MKLN1: variants seen among roughly 807,000 people sequenced by gnomAD.
MKLN1 encodes the protein muskelin 1.
MKLN1 carries 18 observed loss-of-function variants against 99.0 expected under a neutral mutation model. The observed-to-expected ratio is 0.18, with a 90% CI of 0.13 to 0.27. The LOEUF is 0.27. Among genes scored for constraint, MKLN1 ranks in the 10% least tolerant of loss-of-function variants. The pLI is 1.00. For missense variants in MKLN1, 621 were observed against 875.9 expected (o/e 0.71, Z 3.67); for synonymous variants, 288 against 293.2 (o/e 0.98, Z 0.18).
At chr7:131,156,082 G>A (rs1441518987) in intron 2 of MKLN1, among the ~76,000 whole-genome samples, 1 of 152,160 alleles carries the variant, frequency 6.6e-6, no homozygotes, top group Non-Finnish European at 1.5e-5. Flanking sequence ...GGGATTTGTA[G>A]CAATCAAAAT....
intron 2 of MKLN1, among the ~76,000 whole-genome samples, chr7:131,184,087 C>T (rs112399552): frequency 2.0e-5 from 3 of 151,822 alleles, no homozygotes; most frequent in Non-Finnish European, 4.4e-5. Flanking sequence ...TCAGAGAGAC[C>T]ATAGACTTCA....
chr7:131,457,828 A>C (rs992830742), intron 12 of MKLN1, among the ~76,000 whole-genome samples: 2 of 152,072 alleles, frequency 1.3e-5, no homozygotes, highest in African/African-American at 4.8e-5. Flanking sequence ...AGGTAGGAGA[A>C]TTGCTTAAAC....
At chr7:131,283,195 G>A (rs181806478) in intron 3 of MKLN1, among the ~76,000 whole-genome samples, 56 of 152,222 alleles carry the variant, frequency 3.7e-4, no homozygotes, top group African/African-American at 1.3e-3. Context: ...TTCCGCTGTC[G>A]ATGGCCATGA....
In MKLN1 at chr7:131,494,376, T is replaced by C. The variant is rs1797497538; in HGVS notation, c.*6648T>C. Reference sequence around the variant, plus strand: ...TCAGTTACAACAAAGGAGAGGATCCTACACCATTAGAGCCATGCCATCAGG... The same window carrying C: ...TCAGTTACAACAAAGGAGAGGATCCCACACCATTAGAGCCATGCCATCAGG... On this transcript the variant is annotated 3_prime_UTR_variant, in exon 18 of 18. Coordinates refer to ENST00000352689, the MANE Select transcript of MKLN1 (RefSeq NM_013255.5). 6.6e-6 allele frequency: 1 copy of C among 152,230 alleles called. No individual in the cohort carries two copies. Among genetic ancestry groups the C allele is most frequent in the Non-Finnish European group, 1.5e-5 (1 of 68,036 alleles). 9.4% of individuals were successfully genotyped at this position (152,230 alleles called of 1,614,324 possible). A position where few individuals can be genotyped will look rare whatever the true frequency, so the allele number is the denominator to read the frequency against.
chr7:131,264,143 C>A (rs1344027964), intron 3 of MKLN1, among the ~76,000 whole-genome samples: 1 of 152,042 alleles, frequency 6.6e-6, no homozygotes, highest in Non-Finnish European at 1.5e-5. Context: ...TGGTAGTGAG[C>A]CAGAATTTAG....
chr7:131,115,898 A>T (rs893455761), intron 1 of MKLN1, among the ~76,000 whole-genome samples: 20 of 151,966 alleles, frequency 1.3e-4, no homozygotes, highest in African/African-American at 4.8e-4. Context: ...TCCTAGATAT[A>T]TTTTTTTCAT....
chr7:131,303,229 G>A (rs1388482997), intron 3 of MKLN1, among the ~76,000 whole-genome samples: 1 of 152,202 alleles, frequency 6.6e-6, no homozygotes. Flanking sequence ...TTCTTGGTTT[G>A]GATGCCAATA....
chr7:131,369,907 G>A (rs1455419405), intron 1 of MKLN1, among the ~76,000 whole-genome samples: 2 of 152,084 alleles, frequency 1.3e-5, no homozygotes, highest in African/African-American at 4.8e-5. Context: ...TGTGATCTCG[G>A]CTCACTGCAA....
rs575823035 is a variant in MKLN1 at position 131,219,988 on chromosome 7, G to A, written c.-179+17014G>A. 1.7e-4 allele frequency among the ~76,000 whole-genome samples: 26 copies of A among 152,178 alleles called. No homozygotes were observed. In the South Asian group the frequency reaches 2.1e-3, roughly 12 times the overall value. ...CCACAATATGGCGCACTGACATGCCGCACTGAGGAATCCTCAAGGTCTCTC... is the reference window on the plus strand; with the variant it reads ...CCACAATATGGCGCACTGACATGCCACACTGAGGAATCCTCAAGGTCTCTC... On this transcript the variant is annotated intron_variant, in intron 3 of 7. Transcript: ENST00000416992.
At chr7:131,253,571 A>C (rs992573881) in intron 3 of MKLN1, among the ~76,000 whole-genome samples, 1 of 152,154 alleles carries the variant, frequency 6.6e-6, no homozygotes, top group African/African-American at 2.4e-5. Context: ...CAAGTCAAGA[A>C]GACCAGAGAC....
chr7:131,276,343 A>G (rs1266047019), intron 3 of MKLN1, among the ~76,000 whole-genome samples: 2 of 152,114 alleles, frequency 1.3e-5, no homozygotes, highest in Non-Finnish European at 2.9e-5. Flanking sequence ...ATCCAGAAAG[A>G]AAAGTCTAGT....
intron 2 of MKLN1, among the ~76,000 whole-genome samples, chr7:131,384,450 C>T (rs955307154): frequency 6.6e-5 from 10 of 151,588 alleles, no homozygotes; most frequent in African/African-American, 1.9e-4. Flanking sequence ...CTGTCACAAG[C>T]CAGAAAAAAA....
chr7:131,235,132 T>C (rs1797300034), intron 3 of MKLN1, among the ~76,000 whole-genome samples: 1 of 152,136 alleles, frequency 6.6e-6, no homozygotes, highest in African/African-American at 2.4e-5. Context: ...CTGGGATCAG[T>C]TGATACAAAA....
chr7:131,477,051 T>G (rs1217798089), intron 16 of MKLN1, among the ~76,000 whole-genome samples: 1 of 152,022 alleles, frequency 6.6e-6, no homozygotes, highest in Non-Finnish European at 1.5e-5. Context: ...TACTGAAACA[T>G]TAATTTAAGA....
intron 6 of MKLN1, among the ~76,000 whole-genome samples, chr7:131,410,514 A>G (rs192288525): frequency 2.8e-4 from 43 of 152,254 alleles, no homozygotes; most frequent in Admixed American, 8.5e-4. Flanking sequence ...TGGAATTCAC[A>G]TGTTAAAGTT....
chr7:131,139,404 G>A (rs575311012), intron 1 of MKLN1, among the ~76,000 whole-genome samples: 17 of 150,208 alleles, frequency 1.1e-4, no homozygotes, highest in South Asian at 4.2e-4. Flanking sequence ...ACTCACCTTC[G>A]CTCCCCAGGG....
At chr7:131,125,203 T>C (rs910711558) in intron 1 of MKLN1, among the ~76,000 whole-genome samples, 1 of 152,230 alleles carries the variant, frequency 6.6e-6, no homozygotes, top group Non-Finnish European at 1.5e-5. Context: ...TTATCTGATA[T>C]CTACTGACAG....
upstream of MKLN1, chr7:131,327,719 G>A (rs1378450709): frequency 2.6e-6 from 3 of 1,139,468 alleles, no homozygotes; most frequent in African/African-American, 4.8e-5. Flanking sequence ...CCGTCAAGGA[G>A]CGAGCGACGT....
chr7:131,376,095 A>AAAAT (rs1337580479), intron 2 of MKLN1, among the ~76,000 whole-genome samples: 3 of 108,064 alleles, frequency 2.8e-5, no homozygotes, highest in Non-Finnish European at 5.7e-5. Context: ...AATTCATGGA[A>AAAAT]ATATATATAT....
Sources: allele counts gnomAD v4.1 joint callset (sites outside exome capture counted in the v4.1 genomes callset), GRCh38; gene constraint gnomAD v4.1.1; transcripts MANE v1.5; gene names NCBI Gene and HGNC (gene_info 2026-07-23, HGNC 2026-07-21).